The following PCDHGA5 variants were observed in gnomAD, a reference collection of about 807,000 sequenced individuals.
PCDHGA5 encodes the protein protocadherin gamma-A5.
In PCDHGA5, 36 loss-of-function variants were observed where a neutral mutation model predicts 56.7. The ratio of observed to expected loss-of-function variants is 0.64; its 90% CI spans 0.49 to 0.84. The LOEUF (loss-of-function observed/expected upper bound fraction) is 0.84, where lower values mean the gene tolerates loss of function less well. Ranked by LOEUF, PCDHGA5 falls within the 40% of genes least tolerant of loss-of-function variation. The pLI is 0.00. For synonymous variants in PCDHGA5, 563 were observed against 520.2 expected (o/e 1.08, Z -1.12); for missense variants, 1,305 against 1,201.5 (o/e 1.09, Z -1.27).
chr5:141,510,978 G>A lies in PCDHGA5; in HGVS notation c.2601G>A (p.Gly867=), dbSNP rs2099883535. 1.2e-6 allele frequency: 2 copies of A among 1,614,160 alleles called. No homozygotes were observed. The change falls in exon 4 of 4, where the codon GGG becomes GGA. Residue 867 remains glycine, a synonymous_variant. Transcript: ENST00000518069. The part of the protein sequence containing the change: ...EAADGSSTLG[G]GAGTMGLSAR... Reference sequence around the variant, plus strand: ...CTGATGGGAGCTCCACCCTGGGAGGGGGTGCCGGCACCATGGGATTGAGCG... The same window carrying A: ...CTGATGGGAGCTCCACCCTGGGAGGAGGTGCCGGCACCATGGGATTGAGCG...
chr5:141,374,976 C>A, intron 1 of PCDHGA5: 1 of 1,614,016 alleles, frequency 6.2e-7, no homozygotes, highest in Non-Finnish European at 8.5e-7. Context: ...AATGTTTTGA[C>A]TGGAGAAATT....
intron 1 of PCDHGA5, chr5:141,382,819 G>T (rs1449028360): frequency 3.1e-6 from 4 of 1,297,848 alleles, no homozygotes; most frequent in Non-Finnish European, 4.3e-6. Flanking sequence ...CCCTTCCTAA[G>T]ACAGAGGGGT....
At position 141,490,044 on chromosome 5, in the gene PCDHGA5, T is replaced by C; in HGVS notation, c.2422-4763T>C. The C allele has an allele frequency of 1.2e-6, 2 of 1,614,192 alleles. No individual in the cohort carries two copies. Among genetic ancestry groups the C allele is most frequent in the Non-Finnish European group, 1.7e-6 (2 of 1,180,024 alleles). The stretch of plus-strand genomic sequence containing the variant: ...TGCTGCTCCGCCTCAATGCCACTGA[T>C]CCAGACGAGGGCACCAACGGCCAAC... On this transcript the variant is annotated intron_variant, in intron 1 of 3. Transcript: ENST00000518069. The surrounding 1 kb of genome is among the most constrained non-coding windows in gnomAD (Gnocchi z 5.4).
intron 1 of PCDHGA5, chr5:141,409,000 C>T (rs779251035): frequency 6.2e-7 from 1 of 1,613,950 alleles, no homozygotes; most frequent in South Asian, 1.1e-5. Context: ...AAGTGACAGC[C>T]ACTGACCAGG....
chr5:141,377,469 A>G (rs6896353), intron 1 of PCDHGA5: 23,351 of 151,970 alleles, frequency 0.15, 2,565 homozygotes, highest in African/African-American at 0.32. Context: ...TGTGGCGTAC[A>G]CCTGTAGTCC....
At chr5:141,389,326 C>T (rs763831269) in intron 1 of PCDHGA5, 1 of 1,613,994 alleles carries the variant, frequency 6.2e-7, no homozygotes, top group Admixed American at 1.7e-5. Flanking sequence ...GACTTGGGGC[C>T]CAACGGCCAA....
intron 1 of PCDHGA5, chr5:141,413,776 G>A: frequency 6.2e-7 from 1 of 1,613,188 alleles, no homozygotes; most frequent in Non-Finnish European, 8.5e-7. Context: ...GCTGGTACTG[G>A]AGCACTCCCT....
chr5:141,497,840 C>T (rs1326804289), intron 2 of PCDHGA5, among the ~76,000 whole-genome samples: 1 of 152,154 alleles, frequency 6.6e-6, no homozygotes, highest in Non-Finnish European at 1.5e-5. Context: ...CCGGCCACAA[C>T]AAACATTTTT....
intron 1 of PCDHGA5, chr5:141,423,465 G>T: frequency 6.2e-7 from 1 of 1,614,006 alleles, no homozygotes; most frequent in South Asian, 1.1e-5. Context: ...GCGTGGACGG[G>T]GTACAGGCTT....
intron 1 of PCDHGA5, chr5:141,440,430 G>A (rs965990102): frequency 6.6e-6 from 1 of 152,196 alleles, no homozygotes; most frequent in African/African-American, 2.4e-5. Flanking sequence ...CTGGGTGACA[G>A]AGCAAGGCGC....
At chr5:141,376,274 G>A (rs773118142) in intron 1 of PCDHGA5, 3 of 1,614,220 alleles carry the variant, frequency 1.9e-6, no homozygotes, top group Non-Finnish European at 1.7e-6. Flanking sequence ...TTCGGGAGGT[G>A]GCTTAGCGAG....
rs115340023 is a variant in PCDHGA5 at position 141,387,818 on chromosome 5, G to T, written c.2421+21067G>T. 2,906 of 1,551,554 alleles carry T rather than the reference G, an allele frequency of 1.9e-3. 45 individuals carry two copies. The African/African-American group carries it at 0.028, about 15-fold the overall frequency. ...AGTCCGTTCGGAGATCCAAAAATCT[G>T]CAATACAGAGGTTATTTGTAACCCG... On this transcript the variant is annotated intron_variant, in intron 1 of 3. Transcript: ENST00000518069.
chr5:141,468,180 C>T (rs1053758210), intron 1 of PCDHGA5, among the ~76,000 whole-genome samples: 4 of 151,744 alleles, frequency 2.6e-5, no homozygotes, highest in Non-Finnish European at 5.9e-5. Context: ...GAAAAATTTG[C>T]TGGGCATGGT....
intron 1 of PCDHGA5, among the ~76,000 whole-genome samples, chr5:141,494,072 C>G (rs2099751672): frequency 6.6e-6 from 1 of 152,160 alleles, no homozygotes; most frequent in Non-Finnish European, 1.5e-5. Flanking sequence ...CTGGATCCCT[C>G]CCCGCTGCAT....
chr5:141,377,364 A>C (rs1163264209), intron 1 of PCDHGA5: 2 of 152,154 alleles, frequency 1.3e-5, no homozygotes, highest in Non-Finnish European at 2.9e-5. Flanking sequence ...CCACCTCTTC[A>C]GGAGGCTGAG....
chr5:141,383,097 C>T, intron 1 of PCDHGA5: 1 of 1,613,998 alleles, frequency 6.2e-7, no homozygotes, highest in Non-Finnish European at 8.5e-7. Context: ...GAGTCCGCAT[C>T]ATCTCCAGAG....
chr5:141,450,278 G>A (rs977381598), intron 1 of PCDHGA5, among the ~76,000 whole-genome samples: 1 of 152,026 alleles, frequency 6.6e-6, no homozygotes, highest in Non-Finnish European at 1.5e-5. Flanking sequence ...TCAGCTAAGT[G>A]CTGGGATTAC....
chr5:141,398,842 C>T (rs2093712910), intron 1 of PCDHGA5: 2 of 1,613,974 alleles, frequency 1.2e-6, no homozygotes, highest in Non-Finnish European at 1.7e-6. Flanking sequence ...CAATGATAAT[C>T]CCCCGGTATT....
At chr5:141,482,544 A>AAAC (rs1041838777) in intron 1 of PCDHGA5, among the ~76,000 whole-genome samples, 4 of 151,844 alleles carry the variant, frequency 2.6e-5, no homozygotes, top group Non-Finnish European at 4.4e-5. Context: ...AAAAAAAAAA[A>AAAC]AAAAAGATAA....
Sources: gnomAD v4.1 joint callset for allele counts (sites outside exome capture counted in the v4.1 genomes callset) on GRCh38, gnomAD v4.1.1 for gene constraint, Gnocchi (gnomAD v3.1) non-coding constraint, MANE v1.5 for transcripts, NCBI Gene and HGNC (gene_info 2026-07-23, HGNC 2026-07-21) for gene names.